SCFD1: variants seen among roughly 807,000 people sequenced by gnomAD.
SCFD1 encodes sec1 family domain containing 1.
In SCFD1, 37 loss-of-function variants were observed where a neutral mutation model predicts 103.2. That is an observed-to-expected ratio of 0.36 (90% CI 0.28 to 0.47). The LOEUF is 0.47. SCFD1 is among the 20% of genes least tolerant of loss of function. The pLI, the probability that SCFD1 is intolerant of heterozygous loss-of-function variation, is 1.00. For missense variants in SCFD1, 639 were observed against 761.2 expected (o/e 0.84, Z 1.89); for synonymous variants, 264 against 245.0 (o/e 1.08, Z -0.73).
intron 14 of SCFD1, among the ~76,000 whole-genome samples, chr14:30,684,855 A>C: frequency 1.1e-5 from 1 of 92,802 alleles, no homozygotes; most frequent in African/African-American, 5.2e-5. Context: ...ACATGTGCAC[A>C]TTGTGCAGGT....
Position 30,694,852 on chromosome 14 carries a change from T to C in SCFD1, c.1322T>C (p.Ile441Thr). 3 of 1,587,460 alleles carry C rather than the reference T, an allele frequency of 1.9e-6. No homozygotes were observed. The highest frequency in any genetic ancestry group is 2.6e-6 in the Non-Finnish European group (3 of 1,171,962). Residue 441 changes from isoleucine (I) to threonine (T), a missense_variant, in exon 15 of 25, where the codon ATA (isoleucine) becomes ACA (threonine). Physicochemically the swap from Ile to Thr is moderately conservative, Grantham distance 89. Transcript: ENST00000458591. Reference sequence around the variant, plus strand: ...ACTCTGGATAAATCTCTTCTAGATATAATATCAGACCCTGATGGTATGTAC... The same window carrying C: ...ACTCTGGATAAATCTCTTCTAGATACAATATCAGACCCTGATGGTATGTAC... ...KTTLDKSLLD[I>T]ISDPDAGTPE...
intron 3 of SCFD1, 135 bp downstream of exon 3, chr14:30,630,700 G>A: frequency 1.7e-6 from 1 of 584,542 alleles, no homozygotes; most frequent in Non-Finnish European, 3.0e-6. Flanking sequence ...CCTTATTTCT[G>A]GGATTTAAAA....
chr14:30,683,351 T>A, intron 14 of SCFD1: 1 of 585,788 alleles, frequency 1.7e-6, no homozygotes, highest in Non-Finnish European at 3.1e-6. Flanking sequence ...TGGGGAACTC[T>A]AGTGAGAGCT....
chr14:30,693,062 C>T (rs958073493), intron 14 of SCFD1, among the ~76,000 whole-genome samples: 1 of 152,092 alleles, frequency 6.6e-6, no homozygotes, highest in Admixed American at 6.5e-5. Flanking sequence ...TTCAAACTAG[C>T]TTTATAGAGT....
At chr14:30,734,495 G>C (rs536080823) in intron 23 of SCFD1, 6 of 351,130 alleles carry the variant, frequency 1.7e-5, no homozygotes, top group African/African-American at 1.2e-4. Flanking sequence ...ATAGGTAACT[G>C]TTGCTCCTGT....
At chr14:30,723,720 A>ACATG (rs1310540306) in intron 23 of SCFD1, among the ~76,000 whole-genome samples, 5 of 152,226 alleles carry the variant, frequency 3.3e-5, no homozygotes, top group Admixed American at 2.6e-4. Context: ...CCTGCAAAGA[A>ACATG]CATGATCTTA....
At chr14:30,674,425 A>G (rs12436648) in intron 13 of SCFD1, among the ~76,000 whole-genome samples, 131,474 of 152,094 alleles carry the variant, frequency 0.86, 57,226 homozygotes, top group African/African-American at 0.97. Context: ...GGCAGATCAC[A>G]AGGTCAAGAG....
chr14:30,634,081 G>A, intron 4 of SCFD1, 44 bp downstream of exon 4: 1 of 1,198,634 alleles, frequency 8.3e-7, no homozygotes, highest in Non-Finnish European at 1.2e-6. Flanking sequence ...TTTGGAAATG[G>A]ATTTTTTTTT....
At chr14:30,638,503 G>A (rs2139039255) in intron 5 of SCFD1, among the ~76,000 whole-genome samples, 1 of 152,256 alleles carries the variant, frequency 6.6e-6, no homozygotes, top group South Asian at 2.1e-4. Flanking sequence ...TTTTGCTTTA[G>A]TCTGTGATTT....
chr14:30,701,917 T>C (rs1297844727), intron 16 of SCFD1, among the ~76,000 whole-genome samples: 1 of 152,204 alleles, frequency 6.6e-6, no homozygotes, highest in Non-Finnish European at 1.5e-5. Context: ...TCCCCTCAGT[T>C]GGTGTCATTC....
intron 10 of SCFD1, among the ~76,000 whole-genome samples, chr14:30,668,819 A>G (rs1460160633): frequency 6.6e-6 from 1 of 152,274 alleles, no homozygotes; most frequent in Admixed American, 6.5e-5. Flanking sequence ...GTCACTGGTC[A>G]TCAGAGAAAT....
In SCFD1 at chr14:30,653,616, C is replaced by T. The variant is rs149514826; in HGVS notation, c.855+28C>T. Reference sequence around the variant, plus strand: ...AAGAGACTAAATGCAGCACTTATTACTGAAATATAGTAACATGCAGTGTTC... The same window carrying T: ...AAGAGACTAAATGCAGCACTTATTATTGAAATATAGTAACATGCAGTGTTC... On this transcript the variant is annotated intron_variant, in intron 10 of 24. Coordinates refer to ENST00000458591, the MANE Select transcript of SCFD1 (RefSeq NM_016106.4). The T allele has an allele frequency of 4.8e-4, 675 of 1,414,892 alleles. 5 individuals are homozygous for T. In the African/African-American group the frequency reaches 7.9e-3, roughly 16 times the overall value. 87.6% of individuals were successfully genotyped at this position (1,414,892 alleles called of 1,614,324 possible). A position where few individuals can be genotyped will look rare whatever the true frequency, so the allele number is the denominator to read the frequency against.
chr14:30,665,631 C>CTGTAT (rs773061973), intron 10 of SCFD1, among the ~76,000 whole-genome samples: 3 of 152,108 alleles, frequency 2.0e-5, no homozygotes, highest in Non-Finnish European at 4.4e-5. Context: ...CATCAGTGTG[C>CTGTAT]TGTATTCAGG....
chr14:30,724,780 T>G (rs1486624031), intron 23 of SCFD1, among the ~76,000 whole-genome samples: 1 of 152,206 alleles, frequency 6.6e-6, no homozygotes, highest in Non-Finnish European at 1.5e-5. Flanking sequence ...TCCAGAATGA[T>G]ATTGCCTAGG....
intron 1 of SCFD1, among the ~76,000 whole-genome samples, chr14:30,625,711 GTATATAGGTA>G (rs1165180581): frequency 1.9e-3 from 206 of 107,650 alleles, no homozygotes; most frequent in African/African-American, 0.012. Context: ...AGGTATATAG[GTATATAGGTA>G]TATAGGTATA....
At chr14:30,653,162 G>A (rs1036392222) in intron 9 of SCFD1, among the ~76,000 whole-genome samples, 1 of 152,130 alleles carries the variant, frequency 6.6e-6, no homozygotes, top group Non-Finnish European at 1.5e-5. Flanking sequence ...AGCCAGGTGT[G>A]TGATGGTGCA....
chr14:30,730,173 A>G (rs1232055187), intron 23 of SCFD1, among the ~76,000 whole-genome samples: 3 of 152,160 alleles, frequency 2.0e-5, no homozygotes, highest in Middle Eastern at 3.2e-3. Context: ...CTATGTCCCT[A>G]CAAATGACAT....
chr14:30,727,214 G>C (rs562904807), intron 23 of SCFD1, among the ~76,000 whole-genome samples: 1 of 152,298 alleles, frequency 6.6e-6, no homozygotes, highest in Admixed American at 6.5e-5. Flanking sequence ...ACTATGAGTA[G>C]TTGGAAATGC....
intron 23 of SCFD1, among the ~76,000 whole-genome samples, chr14:30,727,637 C>T (rs1893141448): frequency 6.6e-6 from 1 of 152,130 alleles, no homozygotes; most frequent in African/African-American, 2.4e-5. Flanking sequence ...ATAATGTTAC[C>T]TTTCTTTTTT....
Sources: allele counts gnomAD v4.1 joint callset (sites outside exome capture counted in the v4.1 genomes callset), GRCh38; gene constraint gnomAD v4.1.1; transcripts MANE v1.5; gene names NCBI Gene and HGNC (gene_info 2026-07-23, HGNC 2026-07-21).